SUPT3H: variants seen among roughly 807,000 people sequenced by gnomAD.
The protein encoded by SUPT3H is transcription initiation protein SPT3 homolog.
Under a neutral mutation model 44.3 loss-of-function variants are expected in SUPT3H, and 44 were observed. The ratio of observed to expected loss-of-function variants is 0.99; its 90% CI spans 0.78 to 1.28. The LOEUF is 1.28. SUPT3H is among the 50% of genes most tolerant of loss of function. SUPT3H has a pLI of 0.00. For missense variants in SUPT3H, 380 were observed against 387.1 expected (o/e 0.98, Z 0.15); for synonymous variants, 124 against 125.6 (o/e 0.99, Z 0.09).
chr6:45,296,738 CAAAAAA>C lies in SUPT3H; in HGVS notation c.101+68457_101+68462del, dbSNP rs60921436. ...TGGCCAACAGAGTAAGACTCTGTCTCAAAAAAAAAAAAAAAAAAAAAAAAAATTACA... is the reference window on the plus strand; with the variant it reads ...TGGCCAACAGAGTAAGACTCTGTCTCAAAAAAAAAAAAAAAAAAAATTACA... On this transcript the variant is annotated intron_variant, in intron 2 of 10. Coordinates refer to ENST00000371459, the MANE Select transcript of SUPT3H (RefSeq NM_003599.4). Among the ~76,000 whole-genome samples the C allele has an allele frequency of 6.3e-3, 186 of 29,710 alleles. 2 individuals carry two copies. Among genetic ancestry groups the C allele is most frequent in the South Asian group, 0.037 (12 of 322 alleles). 19.5% of individuals were successfully genotyped at this position (29,710 alleles called of 152,430 possible).
chr6:45,341,585 A>G (rs1039642571), intron 2 of SUPT3H, among the ~76,000 whole-genome samples: 3 of 152,228 alleles, frequency 2.0e-5, no homozygotes, highest in Non-Finnish European at 4.4e-5. Flanking sequence ...AAAGGTTAAA[A>G]GTGAGTTTGT....
At chr6:45,150,858 G>T (rs1466165524) in intron 2 of SUPT3H, among the ~76,000 whole-genome samples, 1 of 151,846 alleles carries the variant, frequency 6.6e-6, no homozygotes, top group Non-Finnish European at 1.5e-5. Context: ...AAGTAGCTGG[G>T]ACTACAGGCG....
chr6:44,885,652 C>T (rs1044272390), intron 10 of SUPT3H, among the ~76,000 whole-genome samples: 1 of 152,054 alleles, frequency 6.6e-6, no homozygotes, highest in African/African-American at 2.4e-5. Flanking sequence ...AAGACAAAAC[C>T]ACAAAGATGG....
At chr6:44,988,529 A>T (rs1411509414) in intron 6 of SUPT3H, among the ~76,000 whole-genome samples, 2 of 149,362 alleles carry the variant, frequency 1.3e-5, no homozygotes, top group Admixed American at 6.7e-5. Context: ...TAAAAAAAAA[A>T]AAAAAAAAAA....
chr6:45,002,797 A>C (rs1782178849), intron 6 of SUPT3H, among the ~76,000 whole-genome samples: 2 of 152,132 alleles, frequency 1.3e-5, no homozygotes, highest in African/African-American at 4.8e-5. Flanking sequence ...ATGTATGTCT[A>C]CTGGACCTCC....
intron 3 of SUPT3H, among the ~76,000 whole-genome samples, chr6:45,035,044 C>T (rs945216283): frequency 6.6e-6 from 1 of 152,140 alleles, no homozygotes; most frequent in Admixed American, 6.6e-5. Context: ...AGGACTTACA[C>T]AGAATTAGTT....
intron 10 of SUPT3H, among the ~76,000 whole-genome samples, chr6:44,853,750 G>A (rs1323368083): frequency 1.3e-5 from 2 of 152,158 alleles, no homozygotes; most frequent in East Asian, 1.9e-4. Flanking sequence ...GGTGGGGGGA[G>A]TGGGAGGCAA....
intron 10 of SUPT3H, among the ~76,000 whole-genome samples, chr6:44,915,135 A>C (rs1370418989): frequency 6.6e-6 from 1 of 152,174 alleles, no homozygotes; most frequent in Non-Finnish European, 1.5e-5. Context: ...AGAGTGGCAA[A>C]ATTCTCCCAA....
intron 8 of SUPT3H, 70 bp downstream of exon 8, chr6:44,954,425 G>T (rs933484569): frequency 7.5e-6 from 8 of 1,071,878 alleles, no homozygotes; most frequent in Non-Finnish European, 1.2e-5. Context: ...GGGAGAAGAA[G>T]AATTGATCAT....
At chr6:45,151,529 T>A (rs982128791) in intron 2 of SUPT3H, among the ~76,000 whole-genome samples, 1 of 152,078 alleles carries the variant, frequency 6.6e-6, no homozygotes, top group Non-Finnish European at 1.5e-5. Flanking sequence ...TATAATGGAG[T>A]GAAGCTGGGC....
chr6:44,972,483 G>A (rs193117384), intron 6 of SUPT3H, among the ~76,000 whole-genome samples: 16 of 152,226 alleles, frequency 1.1e-4, no homozygotes, highest in African/African-American at 2.9e-4. Context: ...GAGTATCTGC[G>A]GCTTTTCCAG....
chr6:44,844,611 T>C (rs944840832), intron 10 of SUPT3H, among the ~76,000 whole-genome samples: 1 of 152,150 alleles, frequency 6.6e-6, no homozygotes, highest in Non-Finnish European at 1.5e-5. Flanking sequence ...TCAAATGCAT[T>C]ATGCTAAATG....
At position 45,110,164 on chromosome 6, in the gene SUPT3H, C is replaced by T. The variant is rs144235752; in HGVS notation, c.102-4158G>A. ...TGATTGGGGCGGAGCAACTTACACCCTATCTTCTCATGCAAACAGTATTGG... is the reference window on the plus strand; with the variant it reads ...TGATTGGGGCGGAGCAACTTACACCTTATCTTCTCATGCAAACAGTATTGG... On this transcript the variant is annotated intron_variant, in intron 2 of 10. Coordinates refer to ENST00000371459, the MANE Select transcript of SUPT3H (RefSeq NM_003599.4). Among the ~76,000 whole-genome samples the T allele has an allele frequency of 1.2e-3, 177 of 152,296 alleles. 1 individual carries two copies. Among genetic ancestry groups the T allele is most frequent in the African/African-American group, 4.0e-3 (167 of 41,580 alleles).
chr6:45,224,722 G>A (rs760517169), intron 2 of SUPT3H, among the ~76,000 whole-genome samples: 8 of 151,324 alleles, frequency 5.3e-5, no homozygotes, highest in Non-Finnish European at 1.0e-4. Context: ...AGGTTGCAGT[G>A]AGCTGAGATC....
chr6:44,984,092 C>T (rs1288959752), intron 6 of SUPT3H, among the ~76,000 whole-genome samples: 4 of 152,124 alleles, frequency 2.6e-5, no homozygotes, highest in Admixed American at 2.6e-4. Context: ...TGTCTGCCTC[C>T]TCTTGCCTCC....
chr6:45,046,152 C>G (rs1055695203), intron 3 of SUPT3H, among the ~76,000 whole-genome samples: 4 of 152,170 alleles, frequency 2.6e-5, no homozygotes, highest in African/African-American at 9.7e-5. Context: ...CACATGGATA[C>G]CCAGTTGCTT....
chr6:45,217,564 G>A (rs1765293401), intron 2 of SUPT3H, among the ~76,000 whole-genome samples: 1 of 151,978 alleles, frequency 6.6e-6, no homozygotes, highest in Non-Finnish European at 1.5e-5. Context: ...GCAACTACTA[G>A]GAAAATTATA....
chr6:45,298,827 C>T (rs918378624), intron 2 of SUPT3H, among the ~76,000 whole-genome samples: 2 of 152,066 alleles, frequency 1.3e-5, no homozygotes, highest in Admixed American at 1.3e-4. Flanking sequence ...AAGTATATAA[C>T]CAAATTTATC....
At chr6:45,368,242 C>T (rs1324358730) in intron 1 of SUPT3H, among the ~76,000 whole-genome samples, 1 of 152,018 alleles carries the variant, frequency 6.6e-6, no homozygotes, top group Non-Finnish European at 1.5e-5. Context: ...TTTCAACATG[C>T]CAGAGTTTAA....
Sources: gnomAD v4.1 joint callset for allele counts (sites outside exome capture counted in the v4.1 genomes callset) on GRCh38, gnomAD v4.1.1 for gene constraint, MANE v1.5 for transcripts, NCBI Gene and HGNC (gene_info 2026-07-23, HGNC 2026-07-21) for gene names.